PCDHA5: variants seen among roughly 807,000 people sequenced by gnomAD.
PCDHA5 encodes the protein protocadherin alpha 5, also known as protocadherin alpha-5.
Under a neutral mutation model 61.6 loss-of-function variants are expected in PCDHA5, and 43 were observed. The ratio of observed to expected loss-of-function variants is 0.70; its 90% CI spans 0.55 to 0.90. The LOEUF (loss-of-function observed/expected upper bound fraction) is 0.90. PCDHA5 is among the 40% of genes least tolerant of loss of function. The probability of loss-of-function intolerance (pLI) is 0.00; values close to 1 mark genes in which losing one functional copy is unlikely to be tolerated. For synonymous variants in PCDHA5, 627 were observed against 543.9 expected, an observed-to-expected ratio of 1.15 and a Z score of -2.13; for missense variants, 1,298 against 1,222.7, an observed-to-expected ratio of 1.06 and a Z score of -0.92.
chr5:140,982,663 A>G (rs2096995052), intron 3 of PCDHA5, 100 bp downstream of exon 3: 5 of 1,473,648 alleles, frequency 3.4e-6, no homozygotes, highest in Admixed American at 2.6e-5. Context: ...TTTTTCTTTT[A>G]TATTTTTGTT....
At chr5:140,824,389 T>C (rs1768104531) in intron 1 of PCDHA5, 2 of 557,508 alleles carry the variant, frequency 3.6e-6, no homozygotes, top group African/African-American at 3.8e-5. Flanking sequence ...TCTAAAAATG[T>C]AGGATAATAA....
chr5:140,844,007 T>C (rs1779179285), intron 1 of PCDHA5, among the ~76,000 whole-genome samples: 1 of 149,710 alleles, frequency 6.7e-6, no homozygotes, highest in African/African-American at 2.4e-5. Flanking sequence ...AACAATACTC[T>C]AAGGACGTTC....
At chr5:140,981,077 G>C (rs1178580802) in intron 2 of PCDHA5, among the ~76,000 whole-genome samples, 1 of 152,168 alleles carries the variant, frequency 6.6e-6, no homozygotes, top group Non-Finnish European at 1.5e-5. Flanking sequence ...GGGAAGAATA[G>C]TAAAAGGTCA....
At chr5:140,841,349 G>T in intron 1 of PCDHA5, 1 of 1,612,780 alleles carries the variant, frequency 6.2e-7, no homozygotes, top group Non-Finnish European at 8.5e-7. Flanking sequence ...AGGAGAGCTG[G>T]GATCCTGGCG....
At position 140,957,560 on chromosome 5, in the gene PCDHA5, G is replaced by A. The variant is rs940495695; in HGVS notation, c.2353-21389G>A. ...TTAGAAAGTATTCTCTGTGGAAAAGGAGGGACTACTGTACTTTTAACAAAG... is the reference window on the plus strand; with the variant it reads ...TTAGAAAGTATTCTCTGTGGAAAAGAAGGGACTACTGTACTTTTAACAAAG... On this transcript the variant is annotated intron_variant, in intron 1 of 3. Transcript: ENST00000529859. 2.0e-5 allele frequency among the ~76,000 whole-genome samples: 3 copies of A among 152,074 alleles called. No homozygotes were observed. In the East Asian group the frequency reaches 5.8e-4, roughly 29 times the overall value.
At chr5:140,963,421 T>C (rs1554226598) in intron 1 of PCDHA5, among the ~76,000 whole-genome samples, 2 of 152,252 alleles carry the variant, frequency 1.3e-5, no homozygotes, top group African/African-American at 4.8e-5. Flanking sequence ...ACAGCATGTT[T>C]AGGAACTAAC....
chr5:140,850,892 G>A (rs2041866822), intron 1 of PCDHA5: 1 of 1,577,404 alleles, frequency 6.3e-7, no homozygotes, highest in South Asian at 1.1e-5. Flanking sequence ...CTGGGAAGGT[G>A]GGTTTTTCTA....
intron 1 of PCDHA5, chr5:140,834,370 G>A: frequency 6.4e-7 from 1 of 1,557,934 alleles, no homozygotes; most frequent in East Asian, 2.3e-5. Context: ...AGAAAAACAA[G>A]CCAATAATTT....
At chr5:140,838,604 C>T (rs1335900872) in intron 1 of PCDHA5, among the ~76,000 whole-genome samples, 1 of 151,900 alleles carries the variant, frequency 6.6e-6, no homozygotes, top group Non-Finnish European at 1.5e-5. Flanking sequence ...ATTGTCTAGA[C>T]TTTTAAAAAT....
intron 1 of PCDHA5, among the ~76,000 whole-genome samples, chr5:140,878,853 A>G (rs565644052): frequency 1.3e-5 from 2 of 152,352 alleles, no homozygotes; most frequent in East Asian, 3.9e-4. Context: ...TCTGGGTTCA[A>G]CTGATCCTCC....
At chr5:140,843,396 C>T (rs2150359152) in intron 1 of PCDHA5, 1 of 1,596,034 alleles carries the variant, frequency 6.3e-7, no homozygotes, top group Non-Finnish European at 8.6e-7. Flanking sequence ...CCGGAAGCGG[C>T]GCTGGTGGAT....
chr5:141,000,417 A>ATTT (rs1563652061), intron 3 of PCDHA5, among the ~76,000 whole-genome samples: 30 of 77,716 alleles, frequency 3.9e-4, no homozygotes, highest in South Asian at 4.7e-4. Flanking sequence ...ATATATATAT[A>ATTT]TATATTTTTT....
At chr5:140,905,802 C>T (rs1043410620) in intron 1 of PCDHA5, among the ~76,000 whole-genome samples, 11 of 152,152 alleles carry the variant, frequency 7.2e-5, no homozygotes, top group African/African-American at 2.7e-4. Flanking sequence ...TCTAGAGGGA[C>T]AGAATTAATA....
At chr5:141,001,957 G>A in intron 3 of PCDHA5, among the ~76,000 whole-genome samples, 1 of 152,294 alleles carries the variant, frequency 6.6e-6, no homozygotes, top group African/African-American at 2.4e-5. Flanking sequence ...AGGAGGGAGA[G>A]GCGGGGTGTC....
intron 1 of PCDHA5, chr5:140,871,028 C>T (rs782198197): frequency 1.2e-5 from 20 of 1,613,116 alleles, no homozygotes; most frequent in Admixed American, 1.7e-5. Context: ...GCAGACTCGC[C>T]GCGCCACCGA....
chr5:140,829,542 C>T, intron 1 of PCDHA5: 4 of 1,612,968 alleles, frequency 2.5e-6, no homozygotes, highest in Non-Finnish European at 3.4e-6. Context: ...GACGCGGACG[C>T]GCAGGAGAAC....
At chr5:140,850,812 A>T in intron 1 of PCDHA5, 1 of 1,598,316 alleles carries the variant, frequency 6.3e-7, no homozygotes, top group Non-Finnish European at 8.6e-7. Context: ...CATGGCCTTC[A>T]GCCCGGGCCT....
At chr5:140,919,614 T>C (rs1186816141) in intron 1 of PCDHA5, among the ~76,000 whole-genome samples, 1 of 152,212 alleles carries the variant, frequency 6.6e-6, no homozygotes, top group Non-Finnish European at 1.5e-5. Flanking sequence ...TTAAACTGTA[T>C]CTTTTGAGTT....
rs1554128482 is a variant in PCDHA5 at position 140,822,167 on chromosome 5, G to C, written c.392G>C (p.Arg131Thr). ...AVKDINDNPP[R>T]FSRQEQRLFI... is the part of the protein sequence containing the mutation. ...AAGGACATCAATGACAATCCGCCCAGGTTCTCCAGACAAGAACAAAGATTA... is the reference window on the plus strand; with the variant it reads ...AAGGACATCAATGACAATCCGCCCACGTTCTCCAGACAAGAACAAAGATTA... Residue 131 changes from arginine (R) to threonine (T), a missense_variant, in exon 1 of 4, where the codon AGG becomes ACG. Transcript: ENST00000529859. 1 of 1,614,252 alleles carries C rather than the reference G, an allele frequency of 6.2e-7. No homozygotes were observed. The highest frequency in any genetic ancestry group is 8.5e-7 in the Non-Finnish European group (1 of 1,180,048).
Sources: gnomAD v4.1 joint callset for allele counts (sites outside exome capture counted in the v4.1 genomes callset) on GRCh38, gnomAD v4.1.1 for gene constraint, MANE v1.5 for transcripts, NCBI Gene and HGNC (gene_info 2026-07-23, HGNC 2026-07-21) for gene names.